SEH1L: variants seen among roughly 807,000 people sequenced by gnomAD.
The protein encoded by SEH1L is SEH1 like nucleoporin.
In SEH1L, 18 loss-of-function variants were observed where a neutral mutation model predicts 49.5. That is an observed-to-expected ratio of 0.36 (90% CI 0.25 to 0.54). The LOEUF is 0.54. Among genes scored for constraint, SEH1L ranks in the 20% least tolerant of loss-of-function variants. The pLI is 0.87. For missense variants in SEH1L, 404 were observed against 528.8 expected (o/e 0.76, Z 2.31); for synonymous variants, 169 against 178.1 (o/e 0.95, Z 0.41).
chr18:12,980,094 C>T (rs1456515809), intron 6 of SEH1L, among the ~76,000 whole-genome samples: 1 of 85,444 alleles, frequency 1.2e-5, no homozygotes, highest in African/African-American at 5.1e-5. Context: ...GACCCCCCCC[C>T]ACCTCCCTCC....
chr18:12,956,441 G>A (rs1197945241), intron 3 of SEH1L, among the ~76,000 whole-genome samples: 1 of 121,886 alleles, frequency 8.2e-6, no homozygotes, highest in African/African-American at 3.5e-5. Flanking sequence ...GATCCACTGT[G>A]TGTCTGGGGA....
chr18:12,978,770 A>G lies in SEH1L; in HGVS notation c.639A>G (p.Glu213=), dbSNP rs2032032129. The stretch of plus-strand genomic sequence containing the variant: ...CCATTAGGAAATATGCAAAAGCTGA[A>G]ACTCTTATGACAGTCACTGATCCTG... ...NENTRKYAKA[E]TLMTVTDPVH... Residue 213 remains glutamate (E), a synonymous_variant, in exon 6 of 9, where the codon GAA becomes GAG. Coordinates refer to ENST00000399892, the MANE Select transcript of SEH1L (RefSeq NM_001013437.2). The G allele has an allele frequency of 6.2e-7, 1 of 1,609,742 alleles. No homozygotes were observed. Among genetic ancestry groups the G allele is most frequent in the African/African-American group, 1.3e-5 (1 of 74,782 alleles).
intron 5 of SEH1L, among the ~76,000 whole-genome samples, chr18:12,974,920 ACT>A (rs1425496361): frequency 4.6e-5 from 7 of 151,848 alleles, no homozygotes; most frequent in African/African-American, 1.7e-4. Flanking sequence ...CTTTATTTAC[ACT>A]CTCATTGAGG....
intron 3 of SEH1L, among the ~76,000 whole-genome samples, chr18:12,960,084 C>T (rs1186796886): frequency 6.6e-6 from 1 of 152,140 alleles, no homozygotes; most frequent in African/African-American, 2.4e-5. Flanking sequence ...TCAGGTAACG[C>T]CTTGAGCAAC....
At chr18:12,981,174 C>T (rs2032237219) in intron 6 of SEH1L, among the ~76,000 whole-genome samples, 1 of 151,964 alleles carries the variant, frequency 6.6e-6, no homozygotes, top group East Asian at 2.0e-4. Flanking sequence ...CTCCTCACTT[C>T]CTAGATGGGA....
intron 7 of SEH1L, chr18:12,983,354 G>A (rs2032346193): frequency 6.6e-6 from 1 of 152,254 alleles, no homozygotes; most frequent in Admixed American, 6.5e-5. Flanking sequence ...GGGTAAGCTT[G>A]AGGGCCTCCC....
intron 2 of SEH1L, among the ~76,000 whole-genome samples, chr18:12,953,459 G>A (rs2030670923): frequency 6.6e-6 from 1 of 152,196 alleles, no homozygotes; most frequent in Non-Finnish European, 1.5e-5. Flanking sequence ...AGCCATGTGT[G>A]AGGTTCCAGT....
chr18:12,951,505 C>G (rs2030523604), intron 1 of SEH1L, among the ~76,000 whole-genome samples: 1 of 152,204 alleles, frequency 6.6e-6, no homozygotes, highest in African/African-American at 2.4e-5. Context: ...ATTGTCTTGC[C>G]TCAGCCTCCC....
chr18:12,983,787 A>G (rs2032362718), intron 7 of SEH1L, among the ~76,000 whole-genome samples: 1 of 152,236 alleles, frequency 6.6e-6, no homozygotes, highest in South Asian at 2.1e-4. Context: ...TGTCTTTGCT[A>G]GTATCTGTAA....
At chr18:12,962,581 C>T (rs920066750) in intron 3 of SEH1L, among the ~76,000 whole-genome samples, 3 of 149,998 alleles carry the variant, frequency 2.0e-5, no homozygotes, top group East Asian at 2.0e-4. Context: ...GATCCACCCG[C>T]CTCAGCCTCC....
chr18:12,980,804 G>A (rs1184182922), intron 6 of SEH1L, among the ~76,000 whole-genome samples: 2 of 106,030 alleles, frequency 1.9e-5, no homozygotes, highest in Admixed American at 8.6e-5. Context: ...CGGACGGGGC[G>A]GCTGGCCGGG....
intron 4 of SEH1L, among the ~76,000 whole-genome samples, chr18:12,967,663 C>G (rs1259420288): frequency 6.6e-6 from 1 of 152,182 alleles, no homozygotes; most frequent in African/African-American, 2.4e-5. Flanking sequence ...CCTGTTATCC[C>G]AGCACTTTGG....
chr18:12,980,159 C>T (rs1398507207), intron 6 of SEH1L, among the ~76,000 whole-genome samples: 3 of 120,034 alleles, frequency 2.5e-5, no homozygotes, highest in Admixed American at 1.6e-4. Context: ...TAGGGGCGGC[C>T]GGGCAGAGGC....
chr18:12,967,259 TC>T (rs2031491976), intron 4 of SEH1L, among the ~76,000 whole-genome samples: 1 of 152,244 alleles, frequency 6.6e-6, no homozygotes, highest in Non-Finnish European at 1.5e-5. Context: ...TGTGTGTCTT[TC>T]TTTTTAAAGA....
chr18:12,952,220 A>G (rs1302057471), intron 2 of SEH1L, among the ~76,000 whole-genome samples: 2 of 150,646 alleles, frequency 1.3e-5, no homozygotes, highest in South Asian at 2.1e-4. Context: ...CCTTTACTCA[A>G]GTAGAAATTT....
At chr18:12,954,177 G>A (rs1038252782) in intron 2 of SEH1L, among the ~76,000 whole-genome samples, 5 of 152,224 alleles carry the variant, frequency 3.3e-5, no homozygotes, top group African/African-American at 1.2e-4. Context: ...TGTAAAAAAT[G>A]TTAGCTATAC....
intron 1 of SEH1L, among the ~76,000 whole-genome samples, chr18:12,950,096 C>G (rs893910958): frequency 2.0e-5 from 3 of 150,976 alleles, no homozygotes; most frequent in African/African-American, 7.3e-5. Flanking sequence ...TGCAGTGGTG[C>G]GATCTTGGCT....
chr18:12,965,010 T>C (rs1006055311), intron 4 of SEH1L, among the ~76,000 whole-genome samples: 2 of 31,344 alleles, frequency 6.4e-5, no homozygotes, highest in East Asian at 0.011. Flanking sequence ...TTCCTCATTC[T>C]TTTTTTTTTT....
At chr18:12,965,823 G>A (rs2031425392) in intron 4 of SEH1L, among the ~76,000 whole-genome samples, 2 of 152,150 alleles carry the variant, frequency 1.3e-5, no homozygotes, top group South Asian at 4.1e-4. Flanking sequence ...TATTGTTGGA[G>A]TGCTTTTTGT....
Sources: gnomAD v4.1 joint callset for allele counts (sites outside exome capture counted in the v4.1 genomes callset) on GRCh38, gnomAD v4.1.1 for gene constraint, MANE v1.5 for transcripts, NCBI Gene and HGNC (gene_info 2026-07-23, HGNC 2026-07-21) for gene names.